CD96: variants seen among roughly 807,000 people sequenced by gnomAD.
CD96 encodes T-cell surface protein tactile.
A neutral mutation model predicts 71.3 loss-of-function variants in CD96; 70 were observed. That is an observed-to-expected ratio of 0.98 (90% confidence interval 0.81 to 1.20). The LOEUF (loss-of-function observed/expected upper bound fraction) is 1.20. Among genes scored for constraint, CD96 ranks in the 50% most tolerant of loss-of-function variants. The pLI is 0.00. For missense variants in CD96, 742 were observed against 677.5 expected, an observed-to-expected ratio of 1.10 and a Z score of -1.06; for synonymous variants, 248 against 233.0, an observed-to-expected ratio of 1.06 and a Z score of -0.59.
chr3:111,626,476 T>C (rs985424598), intron 10 of CD96, among the ~76,000 whole-genome samples: 10 of 152,166 alleles, frequency 6.6e-5, no homozygotes, highest in African/African-American at 2.2e-4. Flanking sequence ...TCAACATAAT[T>C]TCTTATATGT....
intron 3 of CD96, among the ~76,000 whole-genome samples, chr3:111,568,536 G>T (rs902057887): frequency 6.6e-6 from 1 of 152,122 alleles, no homozygotes; most frequent in Non-Finnish European, 1.5e-5. Context: ...ATACTGCAGA[G>T]TTCATCTATA....
At chr3:111,547,999 A>G (rs1490506345) in intron 2 of CD96, among the ~76,000 whole-genome samples, 1 of 152,000 alleles carries the variant, frequency 6.6e-6, no homozygotes, top group Non-Finnish European at 1.5e-5. Context: ...TTTTCTTTCT[A>G]CCCTTTACTG....
intron 8 of CD96, chr3:111,612,764 AG>A (rs1938017751): frequency 2.6e-6 from 1 of 378,570 alleles, no homozygotes; most frequent in African/African-American, 2.2e-5. Context: ...AAGCTGTTAT[AG>A]GTCTTAGGAA....
chr3:111,548,949 CTG>C (rs1934556038), intron 2 of CD96, among the ~76,000 whole-genome samples: 1 of 152,144 alleles, frequency 6.6e-6, no homozygotes, highest in South Asian at 2.1e-4. Context: ...ATATGCATGA[CTG>C]TGTCTTCATG....
intron 8 of CD96, among the ~76,000 whole-genome samples, chr3:111,621,775 G>A (rs1174898826): frequency 1.3e-5 from 2 of 152,180 alleles, no homozygotes; most frequent in African/African-American, 2.4e-5. Context: ...GAACAATGGC[G>A]ACCCCTCCCC....
At chr3:111,576,244 A>C (rs1344987429) in intron 3 of CD96, among the ~76,000 whole-genome samples, 1 of 152,170 alleles carries the variant, frequency 6.6e-6, no homozygotes, top group Admixed American at 6.5e-5. Flanking sequence ...AAAAGAAAAA[A>C]CTGGTAGAAA....
intron 12 of CD96, among the ~76,000 whole-genome samples, chr3:111,642,435 C>T (rs1037246579): frequency 1.3e-5 from 2 of 152,108 alleles, no homozygotes; most frequent in Admixed American, 6.6e-5. Context: ...ACCCACCCAG[C>T]TTAAATCAGG....
At chr3:111,618,302 A>G (rs931850983) in intron 8 of CD96, among the ~76,000 whole-genome samples, 1 of 152,366 alleles carries the variant, frequency 6.6e-6, no homozygotes, top group Admixed American at 6.5e-5. Flanking sequence ...TGGCTGGCAA[A>G]GCAAGACCTC....
Position 111,598,099 on chromosome 3 carries a change from CTTTTTCTGTCTTTACCCCAGAGAAGA to C in CD96, c.808-17_816del, listed in dbSNP as rs758838446. Reference sequence around the variant, plus strand: ...GTTTCTTAGGAATTTGCAAATAATCCTTTTTCTGTCTTTACCCCAGAGAAGATTTACCTGCTTACTAAAGAATGTAT... The same window carrying C: ...GTTTCTTAGGAATTTGCAAATAATCCTTTACCTGCTTACTAAAGAATGTAT... On this transcript the variant is annotated splice_acceptor_variant and splice_polypyrimidine_tract_variant and coding_sequence_variant and intron_variant, in exon 6 of 14. Coordinates refer to ENST00000352690, the MANE Select transcript of CD96 (RefSeq NM_005816.5). LOFTEE classifies it high-confidence loss of function. 10 of 1,065,534 alleles carry C rather than the reference CTTTTTCTGTCTTTACCCCAGAGAAGA, an allele frequency of 9.4e-6. No individual in the cohort carries two copies. Among genetic ancestry groups the C allele is most frequent in the Non-Finnish European group, 1.5e-5 (10 of 680,352 alleles). The allele number at this position is 1,065,534 out of a possible 1,614,324, so 66.0% of individuals were successfully genotyped here. A position where few individuals can be genotyped will look rare whatever the true frequency, so the allele number is the denominator to read the frequency against.
chr3:111,592,094 C>G (rs973345581), intron 5 of CD96, among the ~76,000 whole-genome samples: 1 of 152,172 alleles, frequency 6.6e-6, no homozygotes, highest in African/African-American at 2.4e-5. Context: ...TCCCCATTCC[C>G]AACCCACATT....
At chr3:111,665,996 ACT>A (rs1367903232), downstream of CD96, among the ~76,000 whole-genome samples, 3 of 152,096 alleles carry the variant, frequency 2.0e-5, no homozygotes, top group African/African-American at 7.2e-5. Flanking sequence ...ATTTGAAGAT[ACT>A]CTCTGTCCTA....
At chr3:111,606,128 C>T (rs951779841) in intron 7 of CD96, among the ~76,000 whole-genome samples, 4 of 152,072 alleles carry the variant, frequency 2.6e-5, no homozygotes, top group African/African-American at 7.2e-5. Flanking sequence ...GACACACGCA[C>T]GCACACACAC....
At chr3:111,642,921 G>A (rs1939658368) in intron 12 of CD96, among the ~76,000 whole-genome samples, 1 of 138,220 alleles carries the variant, frequency 7.2e-6, no homozygotes, top group Non-Finnish European at 1.5e-5. Context: ...CAATCCTATT[G>A]ACACTATCCA....
chr3:111,579,417 TG>T (rs1248515351), intron 4 of CD96, 183 bp downstream of exon 4: 2 of 675,512 alleles, frequency 3.0e-6, no homozygotes, highest in Non-Finnish European at 5.5e-6. Flanking sequence ...TGCTAAAGAA[TG>T]ATGATTCTGT....
At chr3:111,641,992 A>G (rs938741464) in intron 12 of CD96, among the ~76,000 whole-genome samples, 5 of 152,206 alleles carry the variant, frequency 3.3e-5, no homozygotes, top group African/African-American at 1.2e-4. Context: ...GGGATACAGC[A>G]AAGGTGGTGC....
chr3:111,605,053 G>A (rs1937586636), intron 7 of CD96, among the ~76,000 whole-genome samples: 1 of 152,194 alleles, frequency 6.6e-6, no homozygotes, highest in Non-Finnish European at 1.5e-5. Context: ...TAATGCTTAT[G>A]ATCCACCAGC....
rs767100930 is a variant in CD96, at chr3:111,567,698, C to T, written c.543+51C>T. The stretch of plus-strand genomic sequence containing the variant: ...AACCTCAATGGTCTTTAAACATTAA[C>T]GAAGTAAAATGAATAAGCAGTAATA... On this transcript the variant is annotated intron_variant, in intron 3 of 13. Coordinates refer to ENST00000352690, the MANE Select transcript of CD96 (RefSeq NM_005816.5). 3.9e-5 allele frequency: 60 copies of T among 1,522,660 alleles called. 1 individual carries two copies. Among genetic ancestry groups the T allele is most frequent in the South Asian group, 1.0e-4 (9 of 89,036 alleles). 94.3% of individuals were successfully genotyped at this position (1,522,660 alleles called of 1,614,324 possible).
chr3:111,640,685 A>G (rs984404509), intron 12 of CD96, among the ~76,000 whole-genome samples: 1 of 152,246 alleles, frequency 6.6e-6, no homozygotes, highest in African/African-American at 2.4e-5. Context: ...GCACATTGTC[A>G]TTAGGTTATC....
At chr3:111,591,062 A>G (rs1936955443) in intron 5 of CD96, among the ~76,000 whole-genome samples, 1 of 152,152 alleles carries the variant, frequency 6.6e-6, no homozygotes, top group Non-Finnish European at 1.5e-5. Context: ...AGAGGCTACA[A>G]TATTAATAAC....
Sources: allele counts gnomAD v4.1 joint callset (sites outside exome capture counted in the v4.1 genomes callset), GRCh38; gene constraint gnomAD v4.1.1; transcripts MANE v1.5; gene names NCBI Gene and HGNC (gene_info 2026-07-23, HGNC 2026-07-21).